The following AHI1 variants were observed in gnomAD, a reference collection of about 807,000 sequenced individuals.
AHI1 encodes jouberin.
AHI1 carries 123 observed loss-of-function variants against 149.3 expected under a neutral mutation model. The observed-to-expected ratio is 0.82, with a 90% CI of 0.71 to 0.96. The LOEUF (loss-of-function observed/expected upper bound fraction) is 0.96. Among genes scored for constraint, AHI1 ranks in the 40% least tolerant of loss-of-function variants. The pLI is 0.00. For missense variants in AHI1, 1,439 were observed against 1,422.7 expected (o/e 1.01, Z -0.18); for synonymous variants, 475 against 459.8 (o/e 1.03, Z -0.42).
intron 5 of AHI1, among the ~76,000 whole-genome samples, chr6:135,473,311 T>C (rs558261017): frequency 1.3e-5 from 2 of 152,282 alleles, no homozygotes; most frequent in East Asian, 3.9e-4. Flanking sequence ...TTTATATGCC[T>C]ATCTTTATGA....
At chr6:135,478,742 T>C (rs1273195308) in intron 5 of AHI1, among the ~76,000 whole-genome samples, 1 of 152,098 alleles carries the variant, frequency 6.6e-6, no homozygotes, top group Non-Finnish European at 1.5e-5. Context: ...GCACAGACAA[T>C]GGGGAAAATG....
chr6:135,454,907 T>C (rs1788682407), intron 10 of AHI1, among the ~76,000 whole-genome samples: 1 of 152,162 alleles, frequency 6.6e-6, no homozygotes, highest in Non-Finnish European at 1.5e-5. Flanking sequence ...ATAGACAACC[T>C]GAAAGTCAAG....
intron 7 of AHI1, among the ~76,000 whole-genome samples, chr6:135,465,349 G>A (rs1790573141): frequency 6.6e-6 from 1 of 152,082 alleles, no homozygotes; most frequent in Non-Finnish European, 1.5e-5. Context: ...ATACCAAATT[G>A]CCAATAGTGA....
chr6:135,469,293 T>C (rs978896974), intron 5 of AHI1, among the ~76,000 whole-genome samples: 2 of 152,194 alleles, frequency 1.3e-5, no homozygotes, highest in African/African-American at 4.8e-5. Context: ...GGAAAGGCCT[T>C]TGATAAAATT....
intron 24 of AHI1, among the ~76,000 whole-genome samples, chr6:135,338,636 G>A (rs1053101812): frequency 6.6e-6 from 1 of 152,204 alleles, no homozygotes; most frequent in Non-Finnish European, 1.5e-5. Context: ...CTAAAGGCTT[G>A]CAATAATCTC....
intron 9 of AHI1, 76 bp from the exon 10 acceptor site, chr6:135,456,002 G>A: frequency 1.0e-6 from 1 of 976,670 alleles, no homozygotes; most frequent in Admixed American, 3.7e-5. Context: ...AGTGTACAAG[G>A]TGAGGCAACC....
intron 13 of AHI1, among the ~76,000 whole-genome samples, chr6:135,444,509 C>T (rs1279064091): frequency 1.3e-5 from 2 of 152,114 alleles, no homozygotes; most frequent in African/African-American, 4.8e-5. Flanking sequence ...ATGAAATACC[C>T]GCCCTTGTCC....
rs1046147855 is a variant in AHI1 at position 135,347,559 on chromosome 6, GATA to G, written c.3165+10570_3165+10572del. On this transcript the variant is annotated intron_variant, in intron 24 of 28. Coordinates refer to ENST00000265602, the MANE Select transcript of AHI1 (RefSeq NM_001134831.2). Reference sequence around the variant, plus strand: ...TGTTTTCCCTTTGGCAAACGGTGATGATAATAATAATTTATCTCATAGAATTAT... The same window carrying G: ...TGTTTTCCCTTTGGCAAACGGTGATGATAATAATTTATCTCATAGAATTAT... Among the ~76,000 whole-genome samples, 12 of 152,256 alleles carry G rather than the reference GATA, an allele frequency of 7.9e-5. No individual in the cohort carries two copies. In the East Asian group the frequency reaches 1.5e-3, roughly 20 times the overall value.
intron 27 of AHI1, among the ~76,000 whole-genome samples, chr6:135,293,392 C>CAAAAAAAA (rs1175955601): frequency 1.7e-3 from 34 of 19,838 alleles, no homozygotes; most frequent in East Asian, 4.2e-3. Context: ...GTTAACAGGG[C>CAAAAAAAA]AAAAAAAAAA....
intron 24 of AHI1, among the ~76,000 whole-genome samples, chr6:135,327,450 C>A (rs1443974370): frequency 6.6e-6 from 1 of 152,158 alleles, no homozygotes; most frequent in Non-Finnish European, 1.5e-5. Context: ...ATCGTAATAC[C>A]ATTGTTGACA....
intron 5 of AHI1, among the ~76,000 whole-genome samples, chr6:135,468,005 G>A (rs575684002): frequency 2.0e-5 from 3 of 152,216 alleles, no homozygotes; most frequent in Admixed American, 2.0e-4. Context: ...ACATACTGGG[G>A]TTTGATCTTT....
chr6:135,389,896 C>T (rs1051717625), intron 23 of AHI1, among the ~76,000 whole-genome samples: 1 of 152,248 alleles, frequency 6.6e-6, no homozygotes, highest in Non-Finnish European at 1.5e-5. Flanking sequence ...GAATAATCCA[C>T]ATTTTAAAAC....
chr6:135,289,152 AT>A (rs1334214587), intron 28 of AHI1, among the ~76,000 whole-genome samples: 4 of 148,992 alleles, frequency 2.7e-5, no homozygotes, highest in East Asian at 1.9e-4. Flanking sequence ...CTACTGGTGT[AT>A]TTTTTTTCTT....
intron 26 of AHI1, among the ~76,000 whole-genome samples, chr6:135,305,338 T>C (rs983346901): frequency 4.6e-5 from 7 of 152,230 alleles, no homozygotes; most frequent in East Asian, 1.9e-4. Flanking sequence ...AGTTTAAATA[T>C]AGCAATTTTT....
intron 23 of AHI1, among the ~76,000 whole-genome samples, chr6:135,365,809 C>G (rs1774089133): frequency 6.6e-6 from 1 of 152,048 alleles, no homozygotes. Flanking sequence ...ATTTCTTTCC[C>G]TTGTGTGATT....
Position 135,463,105 on chromosome 6 carries a change from A to G in AHI1, c.931+20T>C. On this transcript the variant is annotated intron_variant, in intron 8 of 28. Coordinates refer to ENST00000265602, the MANE Select transcript of AHI1 (RefSeq NM_001134831.2). Reference sequence around the variant, plus strand: ...TTTCTACCAACATACACAATTTTTCATTTAATTTGTATAGCAAACCTGCTT... The same window carrying G: ...TTTCTACCAACATACACAATTTTTCGTTTAATTTGTATAGCAAACCTGCTT... 2 of 1,544,764 alleles carry G rather than the reference A, an allele frequency of 1.3e-6. No individual in the cohort carries two copies. Among genetic ancestry groups the G allele is most frequent in the South Asian group, 2.6e-5 (2 of 78,350 alleles).
intron 23 of AHI1, among the ~76,000 whole-genome samples, chr6:135,365,428 C>A (rs1008814971): frequency 6.6e-6 from 1 of 152,048 alleles, no homozygotes; most frequent in Non-Finnish European, 1.5e-5. Context: ...TTGGTTTTAC[C>A]CATCCATGAG....
At chr6:135,333,978 CT>C (rs938145175) in intron 24 of AHI1, among the ~76,000 whole-genome samples, 7 of 152,112 alleles carry the variant, frequency 4.6e-5, no homozygotes, top group Admixed American at 4.6e-4. Flanking sequence ...ACTGAAAAAG[CT>C]TTTGTCTGAT....
chr6:135,404,916 T>C (rs1406491526), intron 22 of AHI1, 35 bp downstream of exon 22: 1 of 1,596,622 alleles, frequency 6.3e-7, no homozygotes, highest in South Asian at 1.1e-5. Flanking sequence ...CACTATACCT[T>C]TGAAGTTATC....
Sources: allele counts gnomAD v4.1 joint callset (sites outside exome capture counted in the v4.1 genomes callset), GRCh38; gene constraint gnomAD v4.1.1; transcripts MANE v1.5; gene names NCBI Gene and HGNC (gene_info 2026-07-23, HGNC 2026-07-21).